Variants in RBFOX1 observed in about 807,000 individuals in gnomAD.
RBFOX1 encodes RNA binding protein fox-1 homolog 1.
In RBFOX1, 8 loss-of-function variants were observed where a neutral mutation model predicts 57.7. The observed-to-expected ratio is 0.14, with a 90% confidence interval of 0.08 to 0.25. The LOEUF (loss-of-function observed/expected upper bound fraction) is 0.25. RBFOX1 is among the 10% of genes least tolerant of loss of function. RBFOX1 has a pLI of 1.00. For synonymous variants in RBFOX1, 326 were observed against 222.4 expected (o/e 1.47, Z -4.15); for missense variants, 611 against 548.5 (o/e 1.11, Z -1.14).
At chr16:6,684,419 C>G (rs985037750) in intron 3 of RBFOX1, among the ~76,000 whole-genome samples, 2 of 152,212 alleles carry the variant, frequency 1.3e-5, no homozygotes, top group African/African-American at 4.8e-5. Context: ...GTTTAAGTAT[C>G]ATAGGAGAGG....
intron 4 of RBFOX1, among the ~76,000 whole-genome samples, chr16:7,440,961 C>A (rs2098761336): frequency 6.6e-6 from 1 of 152,084 alleles, no homozygotes; most frequent in African/African-American, 2.4e-5. Context: ...ATCAGTTAAG[C>A]CCGCCCAGAG....
intron 4 of RBFOX1, among the ~76,000 whole-genome samples, chr16:7,431,995 G>T (rs2098685776): frequency 6.6e-6 from 1 of 152,226 alleles, no homozygotes; most frequent in Non-Finnish European, 1.5e-5. Context: ...TGGGCAGCCT[G>T]TGGCACCTAG....
chr16:5,677,682 A>T (rs138017545), intron 3 of RBFOX1, among the ~76,000 whole-genome samples: 2 of 152,348 alleles, frequency 1.3e-5, no homozygotes, highest in East Asian at 3.9e-4. Context: ...AGAGCTTGTT[A>T]TAGGGTCCTT....
intron 1 of RBFOX1, among the ~76,000 whole-genome samples, chr16:5,386,050 T>C (rs897664616): frequency 6.6e-6 from 1 of 151,946 alleles, no homozygotes; most frequent in South Asian, 2.1e-4. Flanking sequence ...GAAGGGACTG[T>C]GTTTGCCAAG....
intron 1 of RBFOX1, among the ~76,000 whole-genome samples, chr16:6,207,354 C>T (rs966635114): frequency 6.6e-6 from 1 of 152,094 alleles, no homozygotes; most frequent in Non-Finnish European, 1.5e-5. Context: ...ATCTAGCAGC[C>T]AAAAGGTTGC....
chr16:6,601,983 G>A (rs573739458), intron 2 of RBFOX1, among the ~76,000 whole-genome samples: 1 of 148,482 alleles, frequency 6.7e-6, no homozygotes, highest in South Asian at 2.1e-4. Flanking sequence ...CTTCTCTCTT[G>A]TCAGGTAGGA....
intron 1 of RBFOX1, among the ~76,000 whole-genome samples, chr16:5,414,390 A>G (rs2067104377): frequency 6.6e-6 from 1 of 152,204 alleles, no homozygotes; most frequent in African/African-American, 2.4e-5. Context: ...GGGCTTGCTT[A>G]AAGCAGAAAT....
At chr16:7,537,269 G>A (rs1034359676) in intron 5 of RBFOX1, among the ~76,000 whole-genome samples, 4 of 152,180 alleles carry the variant, frequency 2.6e-5, no homozygotes, top group Non-Finnish European at 2.9e-5. Flanking sequence ...AATATCAAAT[G>A]ACCAAATAAT....
intron 3 of RBFOX1, among the ~76,000 whole-genome samples, chr16:6,800,179 C>G (rs577337441): frequency 6.7e-6 from 1 of 148,590 alleles, no homozygotes; most frequent in East Asian, 1.9e-4. Flanking sequence ...TTTTGATCAA[C>G]AGGGTATTGA....
intron 5 of RBFOX1, among the ~76,000 whole-genome samples, chr16:7,561,770 C>G (rs566605768): frequency 1.3e-5 from 2 of 152,298 alleles, no homozygotes; most frequent in South Asian, 4.2e-4. Flanking sequence ...AAATTCATCA[C>G]CCATTTTCTG....
chr16:6,265,804 C>T (rs1422322303), intron 1 of RBFOX1, among the ~76,000 whole-genome samples: 2 of 152,148 alleles, frequency 1.3e-5, no homozygotes, highest in East Asian at 1.9e-4. Flanking sequence ...CAGAATCCCT[C>T]TGTCTCTCTT....
chr16:6,782,435 C>T (rs9926233), intron 3 of RBFOX1, among the ~76,000 whole-genome samples: 69 of 151,908 alleles, frequency 4.5e-4, no homozygotes, highest in African/African-American at 1.6e-3. Context: ...ATTTAATTTC[C>T]ATGTATTTAT....
At chr16:5,887,602 C>G (rs1453576532) in intron 4 of RBFOX1, among the ~76,000 whole-genome samples, 1 of 152,050 alleles carries the variant, frequency 6.6e-6, no homozygotes, top group Non-Finnish European at 1.5e-5. Flanking sequence ...TGAGGTTTCA[C>G]CAAGTTGGCC....
At chr16:6,796,136 G>T (rs535530575) in intron 3 of RBFOX1, among the ~76,000 whole-genome samples, 3 of 151,794 alleles carry the variant, frequency 2.0e-5, no homozygotes, top group South Asian at 4.2e-4. Flanking sequence ...AAGGTGAAAG[G>T]TATGTCTCAC....
intron 1 of RBFOX1, among the ~76,000 whole-genome samples, chr16:6,127,732 A>C (rs1285276969): frequency 6.6e-6 from 1 of 152,222 alleles, no homozygotes; most frequent in East Asian, 1.9e-4. Context: ...ATAAATGTTC[A>C]ACACTCCGGG....
intron 3 of RBFOX1, among the ~76,000 whole-genome samples, chr16:5,820,215 C>A (rs1027874719): frequency 3.9e-5 from 6 of 152,238 alleles, no homozygotes; most frequent in Admixed American, 3.3e-4. Context: ...TCCATACTCA[C>A]CCCATAGCCT....
intron 3 of RBFOX1, chr16:7,004,208 A>G (rs960074421): frequency 7.9e-5 from 12 of 152,166 alleles, no homozygotes; most frequent in African/African-American, 2.9e-4. Context: ...CATAAGAAGC[A>G]TCTTATGCAT....
chr16:7,548,849 G>T (rs560140568), intron 5 of RBFOX1, among the ~76,000 whole-genome samples: 2 of 152,168 alleles, frequency 1.3e-5, no homozygotes, highest in Admixed American at 1.3e-4. Context: ...GCATGTTCCT[G>T]CCTATTAGTT....
intron 2 of RBFOX1, among the ~76,000 whole-genome samples, chr16:6,458,285 G>GATCTGTA (rs3066914): frequency 0.79 from 120,176 of 151,302 alleles, 47,885 homozygotes; most frequent in Middle Eastern, 0.87. Flanking sequence ...GCTGGTTAAG[G>GATCTGTA]ATCTGTGGGA....
Sources: allele counts gnomAD v4.1 joint callset (sites outside exome capture counted in the v4.1 genomes callset), GRCh38; gene constraint gnomAD v4.1.1; transcripts MANE v1.5; gene names NCBI Gene and HGNC (gene_info 2026-07-23, HGNC 2026-07-21).